Variants in INPP4B observed in about 807,000 individuals in gnomAD.
INPP4B encodes the protein inositol polyphosphate-4-phosphatase type II B, also known as inositol polyphosphate 4-phosphatase type II.
In INPP4B, 55 loss-of-function variants were observed where a neutral mutation model predicts 122.5. The ratio of observed to expected loss-of-function variants is 0.45; its 90% confidence interval spans 0.36 to 0.56. The LOEUF (loss-of-function observed/expected upper bound fraction) is 0.56, where lower values mean the gene tolerates loss of function less well. INPP4B is among the 20% of genes least tolerant of loss of function. The pLI is 0.00. For synonymous variants in INPP4B, 403 were observed against 388.7 expected (o/e 1.04, Z -0.43); for missense variants, 1,000 against 1,097.7 (o/e 0.91, Z 1.26).
At chr4:142,751,757 G>T (rs773149977) in intron 1 of INPP4B, among the ~76,000 whole-genome samples, 1 of 152,076 alleles carries the variant, frequency 6.6e-6, no homozygotes, top group East Asian at 1.9e-4. Context: ...ACAGTGATGC[G>T]ATAGACACGA....
At chr4:142,513,273 T>C (rs1374276701) in intron 2 of INPP4B, among the ~76,000 whole-genome samples, 1 of 152,120 alleles carries the variant, frequency 6.6e-6, no homozygotes, top group Non-Finnish European at 1.5e-5. Context: ...AAAAACAAAT[T>C]TACTTCTCAC....
At chr4:142,769,780 G>A (rs971771570) in intron 1 of INPP4B, among the ~76,000 whole-genome samples, 11 of 151,986 alleles carry the variant, frequency 7.2e-5, no homozygotes, top group African/African-American at 2.7e-4. Flanking sequence ...CAGGTGTGGT[G>A]GTGCACCCCT....
At chr4:142,574,315 C>A (rs1486935680) in intron 2 of INPP4B, among the ~76,000 whole-genome samples, 1 of 152,058 alleles carries the variant, frequency 6.6e-6, no homozygotes, top group African/African-American at 2.4e-5. Flanking sequence ...GTTTCCTGAC[C>A]TAAAATCTCT....
chr4:142,402,964 C>T lies in INPP4B; in HGVS notation c.346G>A (p.Asp116Asn). The stretch of plus-strand genomic sequence containing the variant: ...GTGTCATGAGACTTATCCTTGACAT[C>T]ATAGACTGTTAGTTTTATTTTGGTC... The part of the protein sequence containing the change: ...EETKIKLTVY[D>N]VKDKSHDTVR... Residue 116 changes from aspartate (D) to asparagine (N), a missense_variant, in exon 7 of 26, where the codon GAT (aspartate) becomes AAT (asparagine). Asp to Asn is a conservative substitution (Grantham distance 23). Coordinates refer to ENST00000262992, the MANE Select transcript of INPP4B (RefSeq NM_001101669.3). 2.5e-6 allele frequency: 4 copies of T among 1,577,698 alleles called. No individual in the cohort carries two copies. Among genetic ancestry groups the T allele is most frequent in the Non-Finnish European group, 3.5e-6 (4 of 1,146,710 alleles).
intron 7 of INPP4B, among the ~76,000 whole-genome samples, chr4:142,327,065 T>C (rs1414466130): frequency 6.6e-6 from 1 of 152,164 alleles, no homozygotes; most frequent in Non-Finnish European, 1.5e-5. Flanking sequence ...AAAGCAAATA[T>C]CTATTAGCCT....
At chr4:142,841,139 T>C (rs765262384) in intron 1 of INPP4B, among the ~76,000 whole-genome samples, 101 of 152,184 alleles carry the variant, frequency 6.6e-4, no homozygotes, top group Non-Finnish European at 1.2e-3. Flanking sequence ...TATGTGGTTA[T>C]CTAGCAAGTT....
intron 16 of INPP4B, among the ~76,000 whole-genome samples, chr4:142,168,051 T>C (rs1336391014): frequency 6.6e-6 from 1 of 151,612 alleles, no homozygotes. Flanking sequence ...CTGCTATCAT[T>C]CTTGTTGGTG....
intron 14 of INPP4B, among the ~76,000 whole-genome samples, chr4:142,203,828 A>C (rs1841650329): frequency 6.6e-6 from 1 of 151,826 alleles, no homozygotes; most frequent in Non-Finnish European, 1.5e-5. Context: ...GACACAATTT[A>C]CTAATGGTAA....
chr4:142,464,714 A>T (rs761312796), intron 2 of INPP4B, among the ~76,000 whole-genome samples: 17 of 152,184 alleles, frequency 1.1e-4, no homozygotes, highest in Admixed American at 2.6e-4. Context: ...AACTCAAAAC[A>T]GAAAATAATA....
In INPP4B at chr4:142,123,377, C is replaced by T; in HGVS notation, c.1932G>A (p.Gln644=). The change falls in exon 20 of 26, where the codon CAG becomes CAA. Residue 644 remains glutamine (Q), a synonymous_variant. Transcript: ENST00000262992. ...GGAAGCCTGGGTCATACAGACTTGT[C>T]TGTAATTTGATGATAAAACCACAAA... ...GLVCGFIIKL[Q]TSLYDPGFLQ... 1 of 1,612,884 alleles carries T rather than the reference C, an allele frequency of 6.2e-7. No homozygotes were observed. Among genetic ancestry groups the T allele is most frequent in the Non-Finnish European group, 8.5e-7 (1 of 1,179,368 alleles).
At chr4:142,054,590 A>AT (rs58473978) in intron 25 of INPP4B, among the ~76,000 whole-genome samples, 122,526 of 150,748 alleles carry the variant, frequency 0.81, 51,902 homozygotes, top group Non-Finnish European at 0.92. Flanking sequence ...AGAGGGTCCC[A>AT]TTTTTTTTTC....
chr4:142,770,505 A>T (rs1294239008), intron 1 of INPP4B, among the ~76,000 whole-genome samples: 1 of 152,060 alleles, frequency 6.6e-6, no homozygotes, highest in East Asian at 1.9e-4. Context: ...TCAAATCTTC[A>T]TCTCCTCTAT....
intron 12 of INPP4B, among the ~76,000 whole-genome samples, chr4:142,223,270 T>C (rs1254716146): frequency 6.6e-6 from 1 of 152,070 alleles, no homozygotes; most frequent in East Asian, 1.9e-4. Flanking sequence ...TCAATTACTA[T>C]AGTAGCTCTG....
intron 7 of INPP4B, among the ~76,000 whole-genome samples, chr4:142,338,702 T>C (rs2151655137): frequency 6.6e-6 from 1 of 152,300 alleles, no homozygotes; most frequent in African/African-American, 2.4e-5. Context: ...ATCTATATAT[T>C]TTTATCTCTT....
rs112362105 is a variant in INPP4B, at chr4:142,341,354, G to T, written c.373-26592C>A. Among the ~76,000 whole-genome samples, 876 of 152,088 alleles carry T rather than the reference G, an allele frequency of 5.8e-3. 8 individuals carry two copies. Among genetic ancestry groups the T allele is most frequent in the African/African-American group, 0.02 (837 of 41,460 alleles). The stretch of plus-strand genomic sequence containing the variant: ...GTTATACTTAAAAAAACCTAGCAAC[G>T]TATGCACAGACATAAAGTTATATTT... On this transcript the variant is annotated intron_variant, in intron 7 of 25. Transcript: ENST00000262992.
chr4:142,425,967 G>C (rs187709446), intron 5 of INPP4B, among the ~76,000 whole-genome samples: 2 of 152,076 alleles, frequency 1.3e-5, no homozygotes, highest in Admixed American at 6.6e-5. Flanking sequence ...GGCTTGCATT[G>C]AGTATTAGCC....
At chr4:142,085,134 A>G (rs975039002) in intron 24 of INPP4B, among the ~76,000 whole-genome samples, 2 of 152,220 alleles carry the variant, frequency 1.3e-5, no homozygotes, top group Non-Finnish European at 2.9e-5. Context: ...CCAAGAAGGC[A>G]GGAAGGGAAA....
At chr4:142,746,269 A>G (rs1289956301) in intron 1 of INPP4B, among the ~76,000 whole-genome samples, 1 of 152,124 alleles carries the variant, frequency 6.6e-6, no homozygotes, top group Non-Finnish European at 1.5e-5. Context: ...ACTCCCATTC[A>G]CAATTGCTAC....
At chr4:142,772,530 G>A (rs1773246036) in intron 1 of INPP4B, among the ~76,000 whole-genome samples, 1 of 152,118 alleles carries the variant, frequency 6.6e-6, no homozygotes, top group African/African-American at 2.4e-5. Context: ...GGAAGGAGCT[G>A]AAGTCCAGTG....
Sources: allele counts gnomAD v4.1 joint callset (sites outside exome capture counted in the v4.1 genomes callset), GRCh38; gene constraint gnomAD v4.1.1; transcripts MANE v1.5; gene names NCBI Gene and HGNC (gene_info 2026-07-23, HGNC 2026-07-21).